HMBOX1: variants seen among roughly 807,000 people sequenced by gnomAD.
HMBOX1 encodes homeobox containing 1.
Under a neutral mutation model 54.5 loss-of-function variants are expected in HMBOX1, and 14 were observed. The observed-to-expected ratio is 0.26, with a 90% confidence interval of 0.17 to 0.40. The LOEUF (loss-of-function observed/expected upper bound fraction) is 0.40, where lower values mean the gene tolerates loss of function less well. HMBOX1 is among the 10% of genes least tolerant of loss of function. HMBOX1 has a pLI of 1.00. For missense variants in HMBOX1, 332 were observed against 514.4 expected (o/e 0.65, Z 3.43); for synonymous variants, 160 against 181.0 (o/e 0.88, Z 0.93).
chr8:28,975,603 C>A (rs1828232825), intron 3 of HMBOX1, among the ~76,000 whole-genome samples: 1 of 152,000 alleles, frequency 6.6e-6, no homozygotes, highest in Non-Finnish European at 1.5e-5. Context: ...GAGTAGGAGG[C>A]AATGACATGG....
intron 6 of HMBOX1, among the ~76,000 whole-genome samples, chr8:29,024,393 G>A (rs17453617): frequency 0.43 from 64,878 of 151,934 alleles, 15,214 homozygotes; most frequent in Non-Finnish European, 0.53. Flanking sequence ...AACAAGCACC[G>A]TGGTTAATTA....
intron 4 of HMBOX1, among the ~76,000 whole-genome samples, chr8:28,988,173 A>G (rs1243828700): frequency 2.6e-5 from 4 of 152,248 alleles, no homozygotes; most frequent in Non-Finnish European, 4.4e-5. Flanking sequence ...CAGTGGAATC[A>G]TACAAAACAT....
At chr8:28,965,335 C>G (rs531572011) in intron 2 of HMBOX1, among the ~76,000 whole-genome samples, 139 of 152,264 alleles carry the variant, frequency 9.1e-4, no homozygotes, top group Non-Finnish European at 1.8e-3. Context: ...ATAAGATGAT[C>G]AAAGTATGAT....
intron 4 of HMBOX1, among the ~76,000 whole-genome samples, chr8:28,981,139 T>A (rs1233752458): frequency 6.6e-6 from 1 of 152,224 alleles, no homozygotes; most frequent in Admixed American, 6.5e-5. Flanking sequence ...TGGCCATTAA[T>A]TTGGTTAAAA....
At chr8:28,946,385 A>G (rs1822459016) in intron 1 of HMBOX1, among the ~76,000 whole-genome samples, 1 of 151,212 alleles carries the variant, frequency 6.6e-6, no homozygotes, top group Admixed American at 6.6e-5. Context: ...CCTGGCCAAC[A>G]TGGTGAAACC....
At chr8:28,910,717 T>G (rs1435951499) in intron 1 of HMBOX1, among the ~76,000 whole-genome samples, 1 of 152,216 alleles carries the variant, frequency 6.6e-6, no homozygotes, top group Non-Finnish European at 1.5e-5. Context: ...ATAGTTGGGT[T>G]GTCATCATAT....
At position 28,987,942 on chromosome 8, in the gene HMBOX1, CTTTA is replaced by C. The variant is rs554183834; in HGVS notation, c.586+7789_586+7792del. Among the ~76,000 whole-genome samples, 94 of 152,182 alleles carry C rather than the reference CTTTA, an allele frequency of 6.2e-4. 1 individual carries two copies. The South Asian group carries it at 0.018, about 29-fold the overall frequency. On this transcript the variant is annotated intron_variant, in intron 4 of 9. Transcript: ENST00000287701. ...TTGTTTTTTCCTTTGTTTTTATCAC[CTTTA>C]TTAAGATAAAATTTACATAAGAGTA...
chr8:28,900,775 A>G (rs1356587780), intron 1 of HMBOX1, among the ~76,000 whole-genome samples: 3 of 151,884 alleles, frequency 2.0e-5, no homozygotes, highest in Non-Finnish European at 4.4e-5. Flanking sequence ...AATTTTCTGG[A>G]TCTGGTAAGC....
At chr8:29,007,602 G>A (rs1161449187) in intron 4 of HMBOX1, among the ~76,000 whole-genome samples, 1 of 152,196 alleles carries the variant, frequency 6.6e-6, no homozygotes, top group Non-Finnish European at 1.5e-5. Flanking sequence ...AGGACCACTT[G>A]AGCCCAGGAG....
chr8:28,893,360 C>G (rs1811421604), intron 1 of HMBOX1, among the ~76,000 whole-genome samples: 1 of 152,172 alleles, frequency 6.6e-6, no homozygotes, highest in Non-Finnish European at 1.5e-5. Context: ...ACAATTTCAT[C>G]CCGTAACTGT....
In HMBOX1 at chr8:28,970,600, T is replaced by A. The variant is rs77874968; in HGVS notation, c.500+81T>A. On this transcript the variant is annotated intron_variant, in intron 3 of 9. Transcript: ENST00000287701. The surrounding 1 kb of genome is among the most constrained non-coding windows in gnomAD (Gnocchi z 4.3). ...TTTAAGTAGTATGCTGCGTTTCAGC[T>A]ACTTAGCTATAAGAACTGTAACTTC... The A allele has an allele frequency of 1.2e-4, 97 of 842,898 alleles. 1 individual carries two copies. The African/African-American group carries it at 1.6e-3, about 13-fold the overall frequency. The allele number at this position is 842,898 out of a possible 1,614,324, so 52.2% of individuals were successfully genotyped here.
At chr8:29,017,042 G>T (rs2132964537) in intron 5 of HMBOX1, among the ~76,000 whole-genome samples, 1 of 152,320 alleles carries the variant, frequency 6.6e-6, no homozygotes, top group South Asian at 2.1e-4. Context: ...CCTTGTTTCT[G>T]TCTATCACCT....
At chr8:28,985,307 T>C (rs558518770) in intron 4 of HMBOX1, among the ~76,000 whole-genome samples, 223 of 152,260 alleles carry the variant, frequency 1.5e-3, no homozygotes, top group African/African-American at 5.1e-3. Flanking sequence ...GGAACGGGTC[T>C]CTCTTGGGTC....
intron 1 of HMBOX1, among the ~76,000 whole-genome samples, chr8:28,899,416 A>G (rs893011037): frequency 9.2e-5 from 14 of 152,214 alleles, no homozygotes. Context: ...AGGAACTGGA[A>G]CATTCTCATA....
At chr8:28,979,844 G>T (rs1284256047) in intron 3 of HMBOX1, among the ~76,000 whole-genome samples, 2 of 152,130 alleles carry the variant, frequency 1.3e-5, no homozygotes, top group Non-Finnish European at 2.9e-5. Context: ...ATCTATTGTG[G>T]TCTTCACTAA....
chr8:28,975,265 A>G (rs543663650), intron 3 of HMBOX1, among the ~76,000 whole-genome samples: 1 of 152,370 alleles, frequency 6.6e-6, no homozygotes, highest in Admixed American at 6.5e-5. Context: ...AGGAACAACT[A>G]TAATACAGAA....
At chr8:29,012,390 A>C (rs1834337195) in intron 5 of HMBOX1, among the ~76,000 whole-genome samples, 1 of 152,210 alleles carries the variant, frequency 6.6e-6, no homozygotes. Context: ...TAAATAAATT[A>C]ATGGCACATC....
intron 4 of HMBOX1, 107 bp from the exon 5 acceptor site, chr8:29,008,965 G>A: frequency 2.6e-6 from 2 of 763,826 alleles, no homozygotes; most frequent in Admixed American, 5.1e-5. Flanking sequence ...CTTCCTTATG[G>A]ACTGGACACA....
intron 6 of HMBOX1, among the ~76,000 whole-genome samples, chr8:29,035,831 T>G (rs1296386519): frequency 6.6e-6 from 1 of 152,236 alleles, no homozygotes; most frequent in African/African-American, 2.4e-5. Flanking sequence ...TTTCTCAGTT[T>G]TTCTTTAAGT....
Sources: gnomAD v4.1 joint callset for allele counts (sites outside exome capture counted in the v4.1 genomes callset) on GRCh38, gnomAD v4.1.1 for gene constraint, Gnocchi (gnomAD v3.1) non-coding constraint, MANE v1.5 for transcripts, NCBI Gene and HGNC (gene_info 2026-07-23, HGNC 2026-07-21) for gene names.